TCF12: variants seen among roughly 807,000 people sequenced by gnomAD.
TCF12 encodes the protein DNA-binding protein HTF4.
TCF12 carries 45 observed loss-of-function variants against 86.0 expected under a neutral mutation model. The observed-to-expected ratio is 0.52, with a 90% CI of 0.41 to 0.67. The LOEUF is 0.67. TCF12 is among the 30% of genes least tolerant of loss of function. TCF12 has a pLI of 0.00. For synonymous variants in TCF12, 330 were observed against 299.6 expected (o/e 1.10, Z -1.05); for missense variants, 881 against 859.9 (o/e 1.02, Z -0.31).
intron 5 of TCF12, among the ~76,000 whole-genome samples, chr15:57,136,401 T>G (rs2052523494): frequency 6.6e-6 from 1 of 152,198 alleles, no homozygotes; most frequent in African/African-American, 2.4e-5. Context: ...ATTTCTCTTA[T>G]GAAGTCACAG....
In TCF12 at chr15:56,969,699, C is replaced by T. The variant is rs552991928; in HGVS notation, c.148+48601C>T. Among the ~76,000 whole-genome samples, 16 of 152,100 alleles carry T rather than the reference C, an allele frequency of 1.1e-4. 1 individual carries two copies. In the South Asian group the frequency reaches 3.3e-3, roughly 32 times the overall value. On this transcript the variant is annotated intron_variant, in intron 3 of 20. Coordinates refer to ENST00000333725, the MANE Select transcript of TCF12 (RefSeq NM_207037.2). ...ATTACAGATGTGAACCACTGCACCT[C>T]GCCCATTTGGAGATATTAGTGGAGA...
intron 3 of TCF12, among the ~76,000 whole-genome samples, chr15:57,058,403 A>C (rs1348014970): frequency 6.6e-6 from 1 of 152,212 alleles, no homozygotes; most frequent in Non-Finnish European, 1.5e-5. Flanking sequence ...TTTGAATGAA[A>C]TTTGCCATGT....
intron 16 of TCF12, among the ~76,000 whole-genome samples, chr15:57,258,026 A>G (rs563143385): frequency 3.2e-4 from 48 of 152,302 alleles, no homozygotes; most frequent in African/African-American, 9.4e-4. Context: ...TTAGCAATGT[A>G]TGGTGGCTTA....
chr15:57,049,922 G>A (rs1303762179), intron 3 of TCF12, among the ~76,000 whole-genome samples: 3 of 152,020 alleles, frequency 2.0e-5, no homozygotes, highest in African/African-American at 7.2e-5. Context: ...TGCCCTTTCT[G>A]ACTTATTAAT....
In TCF12 at chr15:57,226,987, T is replaced by C. The variant is rs1485324720; in HGVS notation, c.580-4165T>C. ...ACAGAAACCTATTGGACAATACTCA[T>C]ATAAAGCATTCTTCTTATTTTCTGT... On this transcript the variant is annotated intron_variant, in intron 8 of 20. Coordinates refer to ENST00000333725, the MANE Select transcript of TCF12 (RefSeq NM_207037.2). Among the ~76,000 whole-genome samples, 4 of 152,284 alleles carry C rather than the reference T, an allele frequency of 2.6e-5. 1 individual carries two copies. The South Asian group carries it at 6.2e-4, about 24-fold the overall frequency.
intron 3 of TCF12, among the ~76,000 whole-genome samples, chr15:57,003,629 C>T (rs537903200): frequency 2.6e-5 from 4 of 152,312 alleles, no homozygotes; most frequent in South Asian, 4.1e-4. Flanking sequence ...AAAGCCTATT[C>T]GTTGTCTGCT....
intron 5 of TCF12, among the ~76,000 whole-genome samples, chr15:57,132,305 C>A (rs566015474): frequency 2.0e-5 from 3 of 152,078 alleles, no homozygotes; most frequent in African/African-American, 7.2e-5. Flanking sequence ...TCACTATTAG[C>A]CTTTTGTGCA....
intron 3 of TCF12, among the ~76,000 whole-genome samples, chr15:56,991,853 T>A (rs1428322386): frequency 6.6e-6 from 1 of 152,188 alleles, no homozygotes; most frequent in Non-Finnish European, 1.5e-5. Context: ...AAGGGTTAAC[T>A]GTCTTTTAAC....
chr15:57,039,919 C>A (rs1380753790), intron 3 of TCF12, among the ~76,000 whole-genome samples: 2 of 152,164 alleles, frequency 1.3e-5, no homozygotes, highest in Admixed American at 6.5e-5. Context: ...CTAGTAATTT[C>A]TTTATATTAA....
chr15:56,974,822 C>T (rs1044602442), intron 3 of TCF12, among the ~76,000 whole-genome samples: 8 of 151,856 alleles, frequency 5.3e-5, no homozygotes, highest in African/African-American at 7.3e-5. Flanking sequence ...TACTTAGATC[C>T]GCTTTCTAAG....
chr15:56,968,942 C>T (rs1312663161), intron 3 of TCF12, among the ~76,000 whole-genome samples: 3 of 152,170 alleles, frequency 2.0e-5, no homozygotes, highest in Non-Finnish European at 4.4e-5. Context: ...CAAAAGGTTG[C>T]ATTCTTTTGA....
intron 3 of TCF12, among the ~76,000 whole-genome samples, chr15:56,933,891 A>G (rs1186866194): frequency 6.6e-6 from 1 of 151,808 alleles, no homozygotes; most frequent in Non-Finnish European, 1.5e-5. Flanking sequence ...TATGTAATTT[A>G]CATATTATTT....
intron 18 of TCF12, among the ~76,000 whole-genome samples, chr15:57,270,048 T>C (rs2061060361): frequency 6.6e-6 from 1 of 152,188 alleles, no homozygotes; most frequent in Admixed American, 6.5e-5. Context: ...GAGTTGCTCA[T>C]CTTGAGGAGT....
intron 12 of TCF12, among the ~76,000 whole-genome samples, chr15:57,235,753 T>G (rs1285805229): frequency 1.3e-5 from 2 of 152,210 alleles, no homozygotes; most frequent in Non-Finnish European, 2.9e-5. Context: ...CTAGATAATT[T>G]TTTAAAATTT....
rs180974810 is a variant in TCF12, at chr15:57,089,715, G to C, written c.223-2074G>C. 8.9e-4 allele frequency among the ~76,000 whole-genome samples: 135 copies of C among 151,916 alleles called. 1 individual carries two copies. Among genetic ancestry groups the C allele is most frequent in the Non-Finnish European group, 6.5e-4 (44 of 67,982 alleles). On this transcript the variant is annotated intron_variant, in intron 4 of 20. Coordinates refer to ENST00000333725, the MANE Select transcript of TCF12 (RefSeq NM_207037.2). ...AATGTGTAGCGTGAACAATGTAGCT[G>C]TTCCGCAAGCACATTTTAATTGGCA...
chr15:57,225,097 A>T (rs183771989), intron 8 of TCF12, among the ~76,000 whole-genome samples: 7 of 151,384 alleles, frequency 4.6e-5, no homozygotes, highest in African/African-American at 1.7e-4. Context: ...ATTTATCTAG[A>T]TTTTTAGGTT....
At chr15:57,284,194 G>A (rs78781245) in intron 20 of TCF12, among the ~76,000 whole-genome samples, 5 of 151,744 alleles carry the variant, frequency 3.3e-5, no homozygotes, top group Non-Finnish European at 5.9e-5. Context: ...GGATTTTTTT[G>A]TTGTTGTTGT....
At chr15:57,091,569 C>T (rs1272309810) in intron 4 of TCF12, among the ~76,000 whole-genome samples, 3 of 152,088 alleles carry the variant, frequency 2.0e-5, no homozygotes, top group Non-Finnish European at 4.4e-5. Context: ...TATAGAAACC[C>T]ACTTTTCTTT....
intron 18 of TCF12, among the ~76,000 whole-genome samples, chr15:57,268,766 A>G (rs1182176905): frequency 1.3e-5 from 2 of 152,182 alleles, no homozygotes; most frequent in African/African-American, 4.8e-5. Flanking sequence ...GAAATGTAGA[A>G]AATACAGAAA....
Sources: gnomAD v4.1 joint callset for allele counts (sites outside exome capture counted in the v4.1 genomes callset) on GRCh38, gnomAD v4.1.1 for gene constraint, MANE v1.5 for transcripts, NCBI Gene and HGNC (gene_info 2026-07-23, HGNC 2026-07-21) for gene names.